The following NRF1 variants were observed in gnomAD, a reference collection of about 807,000 sequenced individuals.
NRF1 encodes alpha palindromic-binding protein.
NRF1 carries 5 observed loss-of-function variants against 58.5 expected under a neutral mutation model. The observed-to-expected ratio is 0.09, with a 90% confidence interval of 0.04 to 0.18. The LOEUF (loss-of-function observed/expected upper bound fraction) is 0.18. NRF1 is among the 10% of genes least tolerant of loss of function. The pLI is 1.00. For missense variants in NRF1, 288 were observed against 657.7 expected (o/e 0.44, Z 6.15); for synonymous variants, 224 against 246.7 (o/e 0.91, Z 0.86).
intron 9 of NRF1, among the ~76,000 whole-genome samples, chr7:129,719,526 ACACACACACACACACAC>A (rs769031990): frequency 2.1e-5 from 3 of 144,106 alleles, no homozygotes; most frequent in African/African-American, 7.7e-5. Context: ...ACACACACAC[ACACACACACACACACAC>A]AACACATCTT....
rs1224292608 is a variant in NRF1 at position 129,756,766 on chromosome 7, A to G, written c.*1585A>G. 4 of 152,556 alleles carry G rather than the reference A, an allele frequency of 2.6e-5. No homozygotes were observed. Among genetic ancestry groups the G allele is most frequent in the Admixed American group, 2.6e-4 (4 of 15,270 alleles). The allele number at this position is 152,556 out of a possible 1,614,324, so 9.5% of individuals were successfully genotyped here. A position where few individuals can be genotyped will look rare whatever the true frequency, so the allele number is the denominator to read the frequency against. On this transcript the variant is annotated 3_prime_UTR_variant, in exon 11 of 11. Coordinates refer to ENST00000393232, the MANE Select transcript of NRF1 (RefSeq NM_005011.5). ...TCAGATTCTTGTATTTGCTTGTTTT[A>G]TATAAAACTATCTAATGTTCTTTAT...
chr7:129,663,464 G>T (rs1319394401), intron 2 of NRF1, among the ~76,000 whole-genome samples: 1 of 140,584 alleles, frequency 7.1e-6, no homozygotes, highest in Non-Finnish European at 1.5e-5. Context: ...ATGGGCGGCC[G>T]AGCAGAGGTG....
chr7:129,707,255 A>G (rs764527209), intron 5 of NRF1, among the ~76,000 whole-genome samples: 1 of 152,180 alleles, frequency 6.6e-6, no homozygotes, highest in Non-Finnish European at 1.5e-5. Context: ...GAGCCTCCCA[A>G]GGTGCAGGGA....
At chr7:129,625,820 G>A (rs923794560) in intron 1 of NRF1, among the ~76,000 whole-genome samples, 8 of 151,442 alleles carry the variant, frequency 5.3e-5, no homozygotes, top group Admixed American at 5.3e-4. Context: ...TAGCTGGGAC[G>A]TCGGGTGCCT....
chr7:129,753,259 A>G (rs1482148372), intron 10 of NRF1, among the ~76,000 whole-genome samples: 1 of 152,190 alleles, frequency 6.6e-6, no homozygotes, highest in African/African-American at 2.4e-5. Context: ...CAGTTTCTCA[A>G]TACAGTGGGT....
chr7:129,672,781 T>G (rs904113529), intron 3 of NRF1, among the ~76,000 whole-genome samples: 1 of 152,118 alleles, frequency 6.6e-6, no homozygotes, highest in Admixed American at 6.6e-5. Context: ...TTGGACATGG[T>G]AAGTTTGTGA....
At chr7:129,625,051 A>G (rs377466077) in intron 1 of NRF1, among the ~76,000 whole-genome samples, 122 of 152,252 alleles carry the variant, frequency 8.0e-4, no homozygotes, top group African/African-American at 2.7e-3. Flanking sequence ...GGAGTCTGGA[A>G]TCAAGGTGTT....
chr7:129,712,662 C>T (rs1027064640), intron 8 of NRF1, among the ~76,000 whole-genome samples: 2 of 152,144 alleles, frequency 1.3e-5, no homozygotes, highest in African/African-American at 2.4e-5. Context: ...GAGATGTCTA[C>T]GTGAATGAAC....
chr7:129,675,170 T>C (rs775185871), intron 3 of NRF1, among the ~76,000 whole-genome samples: 4 of 152,230 alleles, frequency 2.6e-5, no homozygotes, highest in African/African-American at 4.8e-5. Context: ...CTCTCATCCA[T>C]TGGAATTTTA....
At chr7:129,745,003 GAA>G (rs34557264) in intron 10 of NRF1, among the ~76,000 whole-genome samples, 1,837 of 148,236 alleles carry the variant, frequency 0.012, 46 homozygotes, top group African/African-American at 0.043. Context: ...AAAGTTTGAA[GAA>G]AAAAAAAAGT....
At chr7:129,711,424 G>T (rs1030960854) in intron 7 of NRF1, 51 bp from the exon 8 acceptor site, 1 of 1,379,312 alleles carries the variant, frequency 7.2e-7, no homozygotes, top group African/African-American at 1.4e-5. Flanking sequence ...GAGTAAAGAG[G>T]TGGAAGGATC....
intron 2 of NRF1, among the ~76,000 whole-genome samples, chr7:129,669,366 CT>C (rs1801995567): frequency 6.6e-6 from 1 of 152,172 alleles, no homozygotes; most frequent in Admixed American, 6.5e-5. Context: ...ATATTGAACT[CT>C]AGCTAATGCT....
chr7:129,717,008 G>A (rs1260538132), intron 8 of NRF1, among the ~76,000 whole-genome samples: 1 of 152,068 alleles, frequency 6.6e-6, no homozygotes, highest in Admixed American at 6.5e-5. Flanking sequence ...ATTTCTTCAT[G>A]CAAATGCAAG....
rs1420033989 is a variant in NRF1 at position 129,756,033 on chromosome 7, T to A, written c.*852T>A. On this transcript the variant is annotated 3_prime_UTR_variant, in exon 11 of 11. Transcript: ENST00000393232. ...TAAGGTCAGTCCTGAATTGCTCGTA[T>A]ATATGAACTGAAGGTAACCGAAGTA... 1 of 152,590 alleles carries A rather than the reference T, an allele frequency of 6.6e-6. No homozygotes were observed. Among genetic ancestry groups the A allele is most frequent in the Non-Finnish European group, 1.5e-5 (1 of 68,078 alleles). The allele number at this position is 152,590 out of a possible 1,614,324, so 9.5% of individuals were successfully genotyped here. A position where few individuals can be genotyped will look rare whatever the true frequency, so the allele number is the denominator to read the frequency against.
At chr7:129,744,068 A>G (rs987548740) in intron 10 of NRF1, 1 of 1,031,692 alleles carries the variant, frequency 9.7e-7, no homozygotes, top group Non-Finnish European at 1.4e-6. Flanking sequence ...TGCACCCTGC[A>G]CCAGATGTGC....
At chr7:129,719,547 A>G (rs1027099620) in intron 9 of NRF1, among the ~76,000 whole-genome samples, 1 of 104,954 alleles carries the variant, frequency 9.5e-6, no homozygotes, top group Admixed American at 8.6e-5. Context: ...CACACACAAC[A>G]CATCTTCTCA....
chr7:129,651,578 A>T (rs891540178), intron 1 of NRF1, among the ~76,000 whole-genome samples: 1 of 152,224 alleles, frequency 6.6e-6, no homozygotes, highest in Non-Finnish European at 1.5e-5. Context: ...GAAATCCATT[A>T]TGCCAAGCGC....
At position 129,733,190 on chromosome 7, in the gene NRF1, G is replaced by A. The variant is rs558119341; in HGVS notation, c.1348+5825G>A. On this transcript the variant is annotated intron_variant, in intron 10 of 10. Coordinates refer to ENST00000393232, the MANE Select transcript of NRF1 (RefSeq NM_005011.5). ...TTCATTTGAAAGAATAAAACCTGCC[G>A]TGTGCGGTGGCTCACGCCTGTAATC... 7.5e-4 allele frequency among the ~76,000 whole-genome samples: 114 copies of A among 152,274 alleles called. 2 individuals carry two copies. In the Middle Eastern group the frequency reaches 0.017, roughly 23 times the overall value.
chr7:129,687,125 A>G (rs1166133587), intron 4 of NRF1, among the ~76,000 whole-genome samples: 1 of 152,112 alleles, frequency 6.6e-6, no homozygotes, highest in African/African-American at 2.4e-5. Flanking sequence ...CTTTTGAATT[A>G]CTTCTTGTTT....
Sources: gnomAD v4.1 joint callset for allele counts (sites outside exome capture counted in the v4.1 genomes callset) on GRCh38, gnomAD v4.1.1 for gene constraint, MANE v1.5 for transcripts, NCBI Gene and HGNC (gene_info 2026-07-23, HGNC 2026-07-21) for gene names.